The following AP3B2 variants were observed in gnomAD, a reference collection of about 807,000 sequenced individuals.
The protein encoded by AP3B2 is adaptor related protein complex 3 subunit beta 2.
In AP3B2, 50 loss-of-function variants were observed where a neutral mutation model predicts 126.9. The observed-to-expected ratio is 0.39, with a 90% CI of 0.31 to 0.50. The LOEUF is 0.50. Ranked by LOEUF, AP3B2 falls within the 20% of genes least tolerant of loss-of-function variation. The pLI is 0.79. For missense variants in AP3B2, 1,177 were observed against 1,426.4 expected (o/e 0.83, Z 2.82); for synonymous variants, 541 against 565.0 (o/e 0.96, Z 0.60).
Position 82,665,167 on chromosome 15 carries a change from C to A in AP3B2, c.2028+80G>T. The A allele has an allele frequency of 6.9e-7, 1 of 1,456,346 alleles. No individual in the cohort carries two copies. Among genetic ancestry groups the A allele is most frequent in the Non-Finnish European group, 9.3e-7 (1 of 1,076,440 alleles). The allele number at this position is 1,456,346 out of a possible 1,614,324, so 90.2% of individuals were successfully genotyped here. A position where few individuals can be genotyped will look rare whatever the true frequency, so the allele number is the denominator to read the frequency against. On this transcript the variant is annotated intron_variant, in intron 17 of 26. Transcript: ENST00000535359. The surrounding 1 kb of genome is among the most constrained non-coding windows in gnomAD (Gnocchi z 4.4). ...AAGGTGGAAACAGAGTATGGGAAGGCCCAGGAGCACAACACACAGGGGAAG... is the reference window on the plus strand; with the variant it reads ...AAGGTGGAAACAGAGTATGGGAAGGACCAGGAGCACAACACACAGGGGAAG...
Position 82,681,488 on chromosome 15 carries a change from C to T in AP3B2, c.453G>A (p.Lys151=). The change falls in exon 5 of 27, where the codon AAG becomes AAA. Residue 151 remains lysine (K), a synonymous_variant. Coordinates refer to ENST00000535359, the MANE Select transcript of AP3B2 (RefSeq NM_001278512.2). This position sits in a 1 kb window ranked among gnomAD's most constrained non-coding sequence, Gnocchi z 4.0. ...AGGGTGACATGTCCGAGGCGGCTTC[C>T]TTGATAGCTAGCATCATGATGGGCA... ...IIVPIMMLAI[K]EAASDMSPYV... is the part of the protein sequence containing the mutation. 1 of 1,613,890 alleles carries T rather than the reference C, an allele frequency of 6.2e-7. No individual in the cohort carries two copies. The highest frequency in any genetic ancestry group is 1.3e-5 in the African/African-American group (1 of 75,022).
chr15:82,666,995 AC>A (rs757611685), intron 14 of AP3B2, 62 bp from the exon 15 acceptor site: 1,537 of 1,522,694 alleles, frequency 1.0e-3, no homozygotes, highest in Non-Finnish European at 1.3e-3. Flanking sequence ...AGGCTCAGAA[AC>A]AGATTCTTTA....
chr15:82,709,235 C>G (rs972840797), intron 1 of AP3B2, among the ~76,000 whole-genome samples: 1 of 152,132 alleles, frequency 6.6e-6, no homozygotes, highest in South Asian at 2.1e-4. Context: ...ACCCCTCCCC[C>G]ACATTTTTGG....
intron 14 of AP3B2, among the ~76,000 whole-genome samples, chr15:82,675,205 C>T (rs2048224130): frequency 6.6e-6 from 1 of 152,234 alleles, no homozygotes; most frequent in South Asian, 2.1e-4. Context: ...ACACTGATAA[C>T]AAGCTCAGGG....
At position 82,680,984 on chromosome 15, in the gene AP3B2, C is replaced by T. The variant is rs753807447; in HGVS notation, c.624G>A (p.Glu208=). Residue 208 remains glutamate, a synonymous_variant, in exon 7 of 27, where the codon GAG becomes GAA. Coordinates refer to ENST00000535359, the MANE Select transcript of AP3B2 (RefSeq NM_001278512.2). The surrounding 1 kb of genome is among the most constrained non-coding windows in gnomAD (Gnocchi z 6.1). ...VAGSVVMAFE[E]VCPERIDLIH... ...TCAGGTCGATGCGCTCCGGGCAGAC[C>T]TCCTCAAAGGCCATCACCACACTGC... 6.2e-7 allele frequency: 1 copy of T among 1,613,784 alleles called. No individual in the cohort carries two copies. The highest frequency in any genetic ancestry group is 1.7e-5 in the Admixed American group (1 of 59,998).
chr15:82,689,193 C>T lies in AP3B2; in HGVS notation c.229G>A (p.Ala77Thr), dbSNP rs1567270229. The T allele has an allele frequency of 1.2e-6, 2 of 1,613,852 alleles. No individual in the cohort carries two copies. Among genetic ancestry groups the T allele is most frequent in the Non-Finnish European group, 1.7e-6 (2 of 1,179,900 alleles). The change falls in exon 3 of 27, where the codon GCG (alanine) becomes ACG (threonine). Residue 77 changes from alanine (A) to threonine (T), a missense_variant. Ala to Thr is a moderately conservative substitution (Grantham distance 58). Coordinates refer to ENST00000535359, the MANE Select transcript of AP3B2 (RefSeq NM_001278512.2). ...TTACAGGCCACGTTCTTCACCACCG[C>T]GGGAAACAGGTCTGAAGCATTCTTT... Reference protein sequence around the residue: ...RGKNASDLFPAVVKNVACKNI... With the variant: ...RGKNASDLFPTVVKNVACKNI...
intron 2 of AP3B2, 24 bp downstream of exon 2, chr15:82,689,354 G>C (rs1348484857): frequency 6.2e-7 from 1 of 1,613,462 alleles, no homozygotes; most frequent in South Asian, 1.1e-5. Flanking sequence ...CGCCCGGAGG[G>C]AGGCCTCCTC....
At chr15:82,663,652 G>A in intron 20 of AP3B2, 32 bp from the exon 21 acceptor site, 2 of 1,613,702 alleles carry the variant, frequency 1.2e-6, no homozygotes, top group East Asian at 2.2e-5. Flanking sequence ...TGGGTGTGGG[G>A]AAGGGGAGCA....
In AP3B2 at chr15:82,680,440, AG is replaced by A; in HGVS notation, c.1055+31del. 1 of 939,896 alleles carries A rather than the reference AG, an allele frequency of 1.1e-6. No homozygotes were observed. The highest frequency in any genetic ancestry group is 1.3e-6 in the Non-Finnish European group (1 of 775,134). The allele number at this position is 939,896 out of a possible 1,614,324, so 58.2% of individuals were successfully genotyped here. On this transcript the variant is annotated intron_variant, in intron 8 of 26. Coordinates refer to ENST00000535359, the MANE Select transcript of AP3B2 (RefSeq NM_001278512.2). This position sits in a 1 kb window ranked among gnomAD's most constrained non-coding sequence, Gnocchi z 6.1. ...AGCCCGTGGGGCGGGGCAGGAGGCGAGGGAGGGGGCGGGGCTGGGGGCGGAG... is the reference window on the plus strand; with the variant it reads ...AGCCCGTGGGGCGGGGCAGGAGGCGAGGAGGGGGCGGGGCTGGGGGCGGAG...
In AP3B2 at chr15:82,669,685, C is replaced by T. The variant is rs139659833; in HGVS notation, c.1666-2752G>A. ...CCAGCCTGGTGACAGAGCAAGACTC[C>T]GTTTCAAAAAAAAAAAAAATCAGTA... is the stretch of plus-strand genomic sequence containing the variant. On this transcript the variant is annotated intron_variant, in intron 14 of 26. Transcript: ENST00000535359. Among the ~76,000 whole-genome samples, 530 of 124,890 alleles carry T rather than the reference C, an allele frequency of 4.2e-3. 3 individuals are homozygous for T. The highest frequency in any genetic ancestry group is 0.015 in the African/African-American group (495 of 32,816). 81.9% of individuals were successfully genotyped at this position (124,890 alleles called of 152,430 possible).
chr15:82,692,142 C>T (rs1458229866), intron 1 of AP3B2: 3 of 1,493,638 alleles, frequency 2.0e-6, no homozygotes, highest in African/African-American at 1.4e-5. Context: ...CACACGAAGC[C>T]GACACTGGCC....
At chr15:82,676,758 G>A (rs2048248351) in intron 13 of AP3B2, 121 bp from the exon 14 acceptor site, 1 of 975,528 alleles carries the variant, frequency 1.0e-6, no homozygotes. Flanking sequence ...TGGGTTCTCT[G>A]GAAATGGGAG....
Position 82,664,524 on chromosome 15 carries a change from T to C in AP3B2, c.2138-34A>G. ...GAACAATATGAGGCCTCCTCCCTCA[T>C]ATGCAGGCCTCCTTGGGTCTGGAGC... On this transcript the variant is annotated intron_variant, in intron 18 of 26. Coordinates refer to ENST00000535359, the MANE Select transcript of AP3B2 (RefSeq NM_001278512.2). This position sits in a 1 kb window ranked among gnomAD's most constrained non-coding sequence, Gnocchi z 4.5. The C allele has an allele frequency of 1.3e-6, 2 of 1,595,102 alleles. No individual in the cohort carries two copies. Among genetic ancestry groups the C allele is most frequent in the Non-Finnish European group, 1.7e-6 (2 of 1,171,010 alleles).
chr15:82,709,779 GCGGGC>G lies in AP3B2; in HGVS notation c.-78_-74del. 7.8e-7 allele frequency: 1 copy of G among 1,277,886 alleles called. No individual in the cohort carries two copies. The highest frequency in any genetic ancestry group is 1.0e-6 in the Non-Finnish European group (1 of 967,178). The allele number at this position is 1,277,886 out of a possible 1,614,324, so 79.2% of individuals were successfully genotyped here. The stretch of plus-strand genomic sequence containing the variant: ...GCCGGCTGGAGCGGAGGAAGGGAAG[GCGGGC>G]CGGTCCGGTCCGGGCTGGCGAAGGC... On this transcript the variant is annotated 5_prime_UTR_variant, in exon 1 of 27. Transcript: ENST00000535359.
chr15:82,663,374 A>G (rs2047991230), intron 21 of AP3B2, 141 bp from the exon 22 acceptor site: 1 of 973,780 alleles, frequency 1.0e-6, no homozygotes, highest in East Asian at 2.6e-5. Context: ...CAAAATACCC[A>G]TTCCTAGACC....
chr15:82,667,108 C>T (rs985659214), intron 14 of AP3B2, among the ~76,000 whole-genome samples, 175 bp from the exon 15 acceptor site: 4 of 152,186 alleles, frequency 2.6e-5, no homozygotes, highest in Non-Finnish European at 2.9e-5. Flanking sequence ...TCAGAATTTT[C>T]TCTCATCTCT....
At position 82,676,488 on chromosome 15, in the gene AP3B2, G is replaced by A; in HGVS notation, c.1638C>T (p.Ala546=). 6.2e-7 allele frequency: 1 copy of A among 1,614,006 alleles called. No individual in the cohort carries two copies. The highest frequency in any genetic ancestry group is 8.5e-7 in the Non-Finnish European group (1 of 1,179,872). The change falls in exon 14 of 27, where the codon GCC becomes GCT. Residue 546 remains alanine (A), a synonymous_variant. Transcript: ENST00000535359. ...GTTTAGAGTTGGTCAGGTAGAGCTT[G>A]GCTGCCAGGTTGATGACCTGCAGCT... The part of the protein sequence containing the change: ...IVKLQVINLA[A]KLYLTNSKQT...
intron 1 of AP3B2, among the ~76,000 whole-genome samples, chr15:82,703,890 C>G (rs750263220): frequency 6.6e-6 from 1 of 152,122 alleles, no homozygotes; most frequent in Non-Finnish European, 1.5e-5. Context: ...GAATGCTCCT[C>G]AGGTCACTCC....
Position 82,677,374 on chromosome 15 carries a change from A to G in AP3B2, c.1388T>C (p.Val463Ala). ...QLLSNRDELV[V>A]AESVVVIKKL... ...CTTAATGACGACCACTGACTCTGCA[A>G]CCACAAGCTCTACAGAACAAAAATG... Residue 463 changes from valine (V) to alanine (A), a missense_variant, in exon 13 of 27, where the codon GTT becomes GCT. Coordinates refer to ENST00000535359, the MANE Select transcript of AP3B2 (RefSeq NM_001278512.2). The G allele has an allele frequency of 6.2e-7, 1 of 1,613,780 alleles. No individual in the cohort carries two copies. Among genetic ancestry groups the G allele is most frequent in the Non-Finnish European group, 8.5e-7 (1 of 1,179,814 alleles).
Sources: allele counts gnomAD v4.1 joint callset (sites outside exome capture counted in the v4.1 genomes callset), GRCh38; gene constraint gnomAD v4.1.1; non-coding constraint Gnocchi (gnomAD v3.1); transcripts MANE v1.5; gene names NCBI Gene and HGNC (gene_info 2026-07-23, HGNC 2026-07-21).